Variants in CLNK observed in about 807,000 individuals in gnomAD.
CLNK encodes the protein cytokine dependent hematopoietic cell linker.
Under a neutral mutation model 68.6 loss-of-function variants are expected in CLNK, and 74 were observed. The ratio of observed to expected loss-of-function variants is 1.08; its 90% CI spans 0.89 to 1.31. The LOEUF is 1.31. Ranked by LOEUF, CLNK falls within the 50% of genes most tolerant of loss-of-function variation. CLNK has a pLI of 0.00. For missense variants in CLNK, 553 were observed against 515.3 expected, an observed-to-expected ratio of 1.07 and a Z score of -0.71; for synonymous variants, 198 against 172.2, an observed-to-expected ratio of 1.15 and a Z score of -1.17.
At chr4:10,606,643 A>C (rs1721804604) in intron 2 of CLNK, among the ~76,000 whole-genome samples, 1 of 152,216 alleles carries the variant, frequency 6.6e-6, no homozygotes, top group Admixed American at 6.5e-5. Flanking sequence ...GTTGCATTAC[A>C]ATGTTATAGC....
the CLNK span, among the ~76,000 whole-genome samples, chr4:10,721,343 G>A: frequency 6.6e-6 from 1 of 152,064 alleles, no homozygotes; most frequent in Admixed American, 6.5e-5. Flanking sequence ...TGGGTAAAGG[G>A]CACACAGAGA....
At chr4:10,641,122 T>C (rs1235595212) in intron 2 of CLNK, among the ~76,000 whole-genome samples, 1 of 152,202 alleles carries the variant, frequency 6.6e-6, no homozygotes, top group East Asian at 1.9e-4. Flanking sequence ...GTTTCTAGCA[T>C]GATTTCGACC....
chr4:10,657,329 G>A (rs1724026712), intron 2 of CLNK, among the ~76,000 whole-genome samples: 1 of 152,194 alleles, frequency 6.6e-6, no homozygotes, highest in Non-Finnish European at 1.5e-5. Flanking sequence ...GGGGTGAGGA[G>A]TTGTGAACAT....
intron 18 of CLNK, among the ~76,000 whole-genome samples, chr4:10,493,559 A>G (rs1716683445): frequency 6.6e-6 from 1 of 152,128 alleles, no homozygotes; most frequent in Non-Finnish European, 1.5e-5. Context: ...ATCACTTTCC[A>G]AAGTCCTCAC....
At chr4:10,681,396 CTA>C (rs1352665940) in intron 1 of CLNK, among the ~76,000 whole-genome samples, 7 of 152,196 alleles carry the variant, frequency 4.6e-5, no homozygotes, top group Admixed American at 1.3e-4. Flanking sequence ...TGGGCCTAGG[CTA>C]TTAGTCAGCC....
At chr4:10,580,625 C>T (rs1366542994) in intron 4 of CLNK, among the ~76,000 whole-genome samples, 2 of 149,920 alleles carry the variant, frequency 1.3e-5, no homozygotes, top group Admixed American at 6.6e-5. Flanking sequence ...TTGGCAAAAA[C>T]ATTTAAAAAG....
Position 10,501,282 on chromosome 4 carries a change from G to A in CLNK, c.1114C>T (p.Leu372=). Residue 372 remains leucine, a synonymous_variant, in exon 18 of 19, where the codon CTG becomes TTG. Transcript: ENST00000226951. ...RFLERNQQFA[L]GTGLRGDEKF... ...TCATCTCCTCTGAGTCCTGTCCCCA[G>A]GGCAAACTGCTGATTCCTCTCCAGG... The A allele has an allele frequency of 6.2e-7, 1 of 1,601,342 alleles. No homozygotes were observed.
the CLNK span, among the ~76,000 whole-genome samples, chr4:10,728,910 T>C: frequency 6.6e-6 from 1 of 152,138 alleles, no homozygotes; most frequent in Non-Finnish European, 1.5e-5. Context: ...CTTTCTTATA[T>C]TTTTAGCATA....
At chr4:10,579,018 T>C (rs1720682314) in intron 4 of CLNK, among the ~76,000 whole-genome samples, 1 of 152,232 alleles carries the variant, frequency 6.6e-6, no homozygotes, top group Admixed American at 6.5e-5. Context: ...TAAGACTTGG[T>C]TGTGGTGTAA....
chr4:10,623,327 T>C (rs543577623), intron 2 of CLNK, among the ~76,000 whole-genome samples: 56 of 152,330 alleles, frequency 3.7e-4, no homozygotes, highest in South Asian at 1.0e-3. Flanking sequence ...AGCCGTCTTA[T>C]AGGATGCTCT....
chr4:10,721,041 A>T, the CLNK span, among the ~76,000 whole-genome samples: 2 of 152,220 alleles, frequency 1.3e-5, no homozygotes, highest in Admixed American at 6.5e-5. Flanking sequence ...CCAGAGAATT[A>T]TGTTGAGTGA....
the CLNK span, among the ~76,000 whole-genome samples, chr4:10,725,716 G>A: frequency 3.8e-3 from 585 of 152,062 alleles, 6 homozygotes; most frequent in African/African-American, 0.013. Flanking sequence ...TTAGCCGGGC[G>A]TGTTGGCGGG....
chr4:10,694,788 G>A, the CLNK span, among the ~76,000 whole-genome samples: 1 of 152,150 alleles, frequency 6.6e-6, no homozygotes, highest in Non-Finnish European at 1.5e-5. Flanking sequence ...CATTTAAAAA[G>A]AAGGAGATCA....
intron 2 of CLNK, among the ~76,000 whole-genome samples, chr4:10,664,302 G>A (rs1390462056): frequency 6.6e-6 from 1 of 151,860 alleles, no homozygotes; most frequent in Non-Finnish European, 1.5e-5. Flanking sequence ...AATTGTTTTT[G>A]TTTAAAGCCT....
At chr4:10,680,188 TA>T (rs1385770386) in intron 1 of CLNK, among the ~76,000 whole-genome samples, 1 of 151,832 alleles carries the variant, frequency 6.6e-6, no homozygotes, top group African/African-American at 2.4e-5. Context: ...TATGCAGCCA[TA>T]AAAAATGATG....
intron 8 of CLNK, among the ~76,000 whole-genome samples, chr4:10,549,757 C>A (rs1719373845): frequency 6.6e-6 from 1 of 152,210 alleles, no homozygotes; most frequent in African/African-American, 2.4e-5. Context: ...AGGAAAAGTT[C>A]TCTGTCAAAC....
At chr4:10,528,335 T>C (rs1718403791) in intron 12 of CLNK, among the ~76,000 whole-genome samples, 1 of 152,224 alleles carries the variant, frequency 6.6e-6, no homozygotes, top group Non-Finnish European at 1.5e-5. Flanking sequence ...GACTATCAAT[T>C]GCTTTTACGC....
At chr4:10,506,079 C>A (rs939778190) in intron 17 of CLNK, among the ~76,000 whole-genome samples, 1 of 152,098 alleles carries the variant, frequency 6.6e-6, no homozygotes, top group Non-Finnish European at 1.5e-5. Context: ...TCTTGAGACA[C>A]TTTCTATAAC....
At chr4:10,704,908 C>T in the CLNK span, among the ~76,000 whole-genome samples, 6 of 152,190 alleles carry the variant, frequency 3.9e-5, no homozygotes, top group African/African-American at 1.4e-4. Context: ...TGACTTCTTC[C>T]TCTCTTAAAT....
Sources: gnomAD v4.1 joint callset for allele counts (sites outside exome capture counted in the v4.1 genomes callset) on GRCh38, gnomAD v4.1.1 for gene constraint, MANE v1.5 for transcripts, NCBI Gene and HGNC (gene_info 2026-07-23, HGNC 2026-07-21) for gene names.